The following CFDP1 variants were observed in gnomAD, a reference collection of about 807,000 sequenced individuals.
CFDP1 encodes chromatin remodeling protein CFDP1.
In CFDP1, 31 loss-of-function variants were observed where a neutral mutation model predicts 40.1. That is an observed-to-expected ratio of 0.77 (90% confidence interval 0.58 to 1.04). CFDP1 has a LOEUF of 1.04. CFDP1 is among the 50% of genes least tolerant of loss of function. The probability of loss-of-function intolerance (pLI) is 0.00; values close to 1 mark genes in which losing one functional copy is unlikely to be tolerated. For synonymous variants in CFDP1, 167 were observed against 120.0 expected (o/e 1.39, Z -2.56); for missense variants, 423 against 343.4 (o/e 1.23, Z -1.83).
chr16:75,393,962 GA>G (rs2078975249), intron 5 of CFDP1, among the ~76,000 whole-genome samples: 1 of 151,892 alleles, frequency 6.6e-6, no homozygotes, highest in Non-Finnish European at 1.5e-5. Context: ...GGCTGAGGCA[GA>G]AGAATGACAT....
At chr16:75,395,341 T>G (rs2078987316) in intron 4 of CFDP1, 132 bp from the exon 5 acceptor site, 2 of 968,366 alleles carry the variant, frequency 2.1e-6, no homozygotes, top group Non-Finnish European at 3.0e-6. Flanking sequence ...AGCATTATGA[T>G]AAAAGTTTAC....
intron 5 of CFDP1, among the ~76,000 whole-genome samples, chr16:75,392,314 A>AGAAT (rs1226021342): frequency 6.6e-6 from 1 of 151,228 alleles, no homozygotes; most frequent in Non-Finnish European, 1.5e-5. Flanking sequence ...CTGACGCAGG[A>AGAAT]GAATGGCTTG....
intron 5 of CFDP1, among the ~76,000 whole-genome samples, chr16:75,347,712 A>G (rs1489803770): frequency 6.6e-6 from 1 of 152,204 alleles, no homozygotes; most frequent in East Asian, 1.9e-4. Flanking sequence ...ATACAAAACC[A>G]TAAATTTAAA....
intron 5 of CFDP1, among the ~76,000 whole-genome samples, chr16:75,339,249 T>G (rs1304722949): frequency 1.3e-5 from 2 of 152,178 alleles, no homozygotes; most frequent in African/African-American, 2.4e-5. Flanking sequence ...CCTGCTCACT[T>G]TCTTCCTTTA....
chr16:75,418,496 A>C (rs371781980), intron 1 of CFDP1, among the ~76,000 whole-genome samples: 1 of 151,672 alleles, frequency 6.6e-6, no homozygotes, highest in African/African-American at 2.4e-5. Flanking sequence ...TTTTTAGTAG[A>C]GATGGGGTTT....
At chr16:75,300,017 TG>T (rs2151498115) in intron 6 of CFDP1, among the ~76,000 whole-genome samples, 1 of 152,158 alleles carries the variant, frequency 6.6e-6, no homozygotes, top group African/African-American at 2.4e-5. Flanking sequence ...GGGGAGGGCC[TG>T]GTTAACACTG....
At chr16:75,430,258 G>A (rs527828584) in intron 1 of CFDP1, among the ~76,000 whole-genome samples, 6 of 150,390 alleles carry the variant, frequency 4.0e-5, no homozygotes, top group East Asian at 4.0e-4. Context: ...GCAACCCCAC[G>A]CCCCTGGTTC....
chr16:75,387,676 GT>G (rs1304294011), intron 5 of CFDP1, among the ~76,000 whole-genome samples: 6 of 152,146 alleles, frequency 3.9e-5, no homozygotes, highest in Non-Finnish European at 8.8e-5. Context: ...CAACATATAA[GT>G]TGTCCACAAT....
At chr16:75,384,304 CCGAG>C (rs1348349369) in intron 5 of CFDP1, among the ~76,000 whole-genome samples, 1 of 151,942 alleles carries the variant, frequency 6.6e-6, no homozygotes, top group Non-Finnish European at 1.5e-5. Flanking sequence ...TTGCAGTGAG[CCGAG>C]CGAGATAGCA....
chr16:75,331,208 T>C (rs1204889825), intron 5 of CFDP1, among the ~76,000 whole-genome samples: 1 of 152,240 alleles, frequency 6.6e-6, no homozygotes, highest in African/African-American at 2.4e-5. Context: ...CATTTTCATC[T>C]TTCCCAGGGT....
intron 5 of CFDP1, among the ~76,000 whole-genome samples, chr16:75,390,745 C>G (rs1477581326): frequency 2.0e-5 from 3 of 152,190 alleles, no homozygotes; most frequent in Admixed American, 2.0e-4. Context: ...TGGGGGAAGT[C>G]CATCACTTAA....
At chr16:75,376,178 T>C (rs978814469) in intron 5 of CFDP1, among the ~76,000 whole-genome samples, 2 of 152,214 alleles carry the variant, frequency 1.3e-5, no homozygotes, top group Admixed American at 6.5e-5. Flanking sequence ...GCCATTGCAT[T>C]CCAGCCTGAG....
chr16:75,427,998 GT>G (rs201202046), intron 1 of CFDP1, among the ~76,000 whole-genome samples: 1,599 of 152,224 alleles, frequency 0.011, 18 homozygotes, highest in Non-Finnish European at 0.016. Context: ...GCTGCCTACT[GT>G]TATGGTTCCA....
intron 5 of CFDP1, among the ~76,000 whole-genome samples, chr16:75,359,304 A>G (rs1266894470): frequency 2.0e-5 from 3 of 152,202 alleles, no homozygotes; most frequent in African/African-American, 7.2e-5. Flanking sequence ...CCTGAGAACA[A>G]AAAGTTTGAG....
rs186600336 is a variant in CFDP1, at chr16:75,307,468, C to T, written c.651-2286G>A. ...CTGACCTCGGGTGATCTGCCCACCT[C>T]GGCCCCCCAAAGTGCTGGGATTACA... On this transcript the variant is annotated intron_variant, in intron 5 of 6. Coordinates refer to ENST00000283882, the MANE Select transcript of CFDP1 (RefSeq NM_006324.3). Among the ~76,000 whole-genome samples the T allele has an allele frequency of 1.6e-3, 245 of 152,254 alleles. 2 individuals carry two copies. The highest frequency in any genetic ancestry group is 3.4e-3 in the Middle Eastern group (1 of 294).
At chr16:75,361,575 C>A (rs1289821416) in intron 5 of CFDP1, among the ~76,000 whole-genome samples, 1 of 152,080 alleles carries the variant, frequency 6.6e-6, no homozygotes, top group Non-Finnish European at 1.5e-5. Context: ...TGAGATCATG[C>A]CACTGCACTC....
At chr16:75,344,404 G>T (rs1429925087) in intron 5 of CFDP1, among the ~76,000 whole-genome samples, 1 of 152,146 alleles carries the variant, frequency 6.6e-6, no homozygotes, top group East Asian at 1.9e-4. Flanking sequence ...CACTTTAATT[G>T]CTTTAGAAAA....
intron 1 of CFDP1, among the ~76,000 whole-genome samples, chr16:75,425,288 G>A (rs1424156934): frequency 2.0e-5 from 3 of 150,984 alleles, no homozygotes; most frequent in Non-Finnish European, 4.4e-5. Flanking sequence ...ACAGGAGGCT[G>A]AGGAAGGAGA....
chr16:75,428,541 C>T (rs925782451), intron 1 of CFDP1, among the ~76,000 whole-genome samples: 12 of 151,820 alleles, frequency 7.9e-5, no homozygotes, highest in South Asian at 4.2e-4. Flanking sequence ...CGCTTGAACC[C>T]GGAAGGCGGA....
Sources: allele counts gnomAD v4.1 joint callset (sites outside exome capture counted in the v4.1 genomes callset), GRCh38; gene constraint gnomAD v4.1.1; transcripts MANE v1.5; gene names NCBI Gene and HGNC (gene_info 2026-07-23, HGNC 2026-07-21).